The following CIMIP1 variants were observed in gnomAD, a reference collection of about 807,000 sequenced individuals.
CIMIP1 encodes ciliary microtubule inner protein 1.
At chr20:58,160,079 G>A in the CIMIP1 span, among the ~76,000 whole-genome samples, 3 of 152,204 alleles carry the variant, frequency 2.0e-5, no homozygotes, top group Non-Finnish European at 4.4e-5. Flanking sequence ...GGGAAAACCT[G>A]CCTAAACATT....
chr20:58,157,926 C>T, the CIMIP1 span, among the ~76,000 whole-genome samples: 1 of 152,156 alleles, frequency 6.6e-6, no homozygotes, highest in Admixed American at 6.5e-5. Context: ...TCCCTGCCTC[C>T]ACCTGCCTCC....
the CIMIP1 span, chr20:58,160,810 G>T: frequency 6.2e-7 from 1 of 1,612,392 alleles, no homozygotes. Context: ...GGCCCAAGCA[G>T]GGCGTGCACT....
the CIMIP1 span, among the ~76,000 whole-genome samples, chr20:58,160,378 CTTTT>C: frequency 6.6e-6 from 1 of 152,298 alleles, no homozygotes; most frequent in East Asian, 1.9e-4. Context: ...ATTTCTGCAT[CTTTT>C]TTTCTTTTTG....
chr20:58,153,214 C>T, the CIMIP1 span, among the ~76,000 whole-genome samples: 1,295 of 152,272 alleles, frequency 8.5e-3, 20 homozygotes, highest in African/African-American at 0.028. Flanking sequence ...CACTTTTGCA[C>T]CTCCTCAAAT....
the CIMIP1 span, among the ~76,000 whole-genome samples, chr20:58,157,793 T>C: frequency 6.6e-6 from 1 of 152,232 alleles, no homozygotes; most frequent in Non-Finnish European, 1.5e-5. Context: ...TCAGATGAAA[T>C]GCACACATTT....
At chr20:58,160,439 T>C in the CIMIP1 span, among the ~76,000 whole-genome samples, 4 of 152,252 alleles carry the variant, frequency 2.6e-5, no homozygotes, top group Non-Finnish European at 5.9e-5. Context: ...ATGAATTAAA[T>C]ATGTTAGGCA....
At chr20:58,154,163 C>G in the CIMIP1 span, among the ~76,000 whole-genome samples, 1 of 152,150 alleles carries the variant, frequency 6.6e-6, no homozygotes, top group Non-Finnish European at 1.5e-5. Flanking sequence ...ATGACAAGTC[C>G]AGAAGTCTAC....
chr20:58,159,805 GC>G, the CIMIP1 span, among the ~76,000 whole-genome samples: 1 of 152,128 alleles, frequency 6.6e-6, no homozygotes, highest in African/African-American at 2.4e-5. Context: ...TTGATGACCC[GC>G]CCTACATGTA....
At chr20:58,151,959 ATAAG>A in the CIMIP1 span, among the ~76,000 whole-genome samples, 2 of 152,222 alleles carry the variant, frequency 1.3e-5, no homozygotes, top group African/African-American at 2.4e-5. Context: ...AGATTTAGAT[ATAAG>A]TAAGTTGTAG....
At chr20:58,151,079 A>G in the CIMIP1 span, 1 of 1,517,920 alleles carries the variant, frequency 6.6e-7, no homozygotes, top group Non-Finnish European at 9.0e-7. Flanking sequence ...TTCTCACCTG[A>G]AGTGTCCACA....
the CIMIP1 span, chr20:58,155,453 G>C: frequency 1.9e-6 from 3 of 1,601,372 alleles, no homozygotes; most frequent in Middle Eastern, 1.7e-4. Flanking sequence ...CCCATCTCTG[G>C]GGATTCTGTT....
the CIMIP1 span, among the ~76,000 whole-genome samples, chr20:58,158,047 C>T: frequency 6.6e-6 from 1 of 152,224 alleles, no homozygotes; most frequent in African/African-American, 2.4e-5. Flanking sequence ...TTCCCTCTGC[C>T]ACCAGGGCCC....
chr20:58,155,470 G>C, the CIMIP1 span: 1 of 1,613,014 alleles, frequency 6.2e-7, no homozygotes, highest in Non-Finnish European at 8.5e-7. Context: ...TGTTTCAGTT[G>C]ATCAAGTGTG....
At chr20:58,159,019 G>A in the CIMIP1 span, among the ~76,000 whole-genome samples, 2 of 152,068 alleles carry the variant, frequency 1.3e-5, no homozygotes, top group African/African-American at 4.8e-5. Context: ...AGCCTCCGTG[G>A]GTGGATATGC....
the CIMIP1 span, chr20:58,160,671 C>A: frequency 1.2e-6 from 2 of 1,604,390 alleles, no homozygotes; most frequent in Non-Finnish European, 1.7e-6. Flanking sequence ...GTCTTTCCAT[C>A]CCCCCCAGTC....
chr20:58,154,182 G>A, the CIMIP1 span, among the ~76,000 whole-genome samples: 2 of 152,244 alleles, frequency 1.3e-5, no homozygotes, highest in South Asian at 4.1e-4. Flanking sequence ...ACAGGGACCA[G>A]CTAGGTGACA....
the CIMIP1 span, chr20:58,161,019 C>T: frequency 0.034 from 16,475 of 482,504 alleles, 370 homozygotes; most frequent in Middle Eastern, 0.078. Flanking sequence ...ATGTTCACGT[C>T]CACACCCATT....
the CIMIP1 span, chr20:58,153,519 A>G: frequency 2.1e-5 from 34 of 1,598,084 alleles, no homozygotes; most frequent in Non-Finnish European, 2.9e-5. Flanking sequence ...CGTGTTGCCC[A>G]GCACTCAGGA....
the CIMIP1 span, chr20:58,153,530 A>C: frequency 6.2e-7 from 1 of 1,612,052 alleles, no homozygotes; most frequent in Middle Eastern, 1.7e-4. Flanking sequence ...GCACTCAGGA[A>C]CTTTCTTTTT....
Sources: allele counts gnomAD v4.1 joint callset (sites outside exome capture counted in the v4.1 genomes callset), GRCh38; gene constraint gnomAD v4.1.1; transcripts MANE v1.5; gene names NCBI Gene and HGNC (gene_info 2026-07-23, HGNC 2026-07-21).